TNIK: variants seen among roughly 807,000 people sequenced by gnomAD.
TNIK encodes TRAF2 and NCK interacting kinase.
Under a neutral mutation model 191.3 loss-of-function variants are expected in TNIK, and 49 were observed. That is an observed-to-expected ratio of 0.26 (90% CI 0.20 to 0.32). The LOEUF is 0.32. Among genes scored for constraint, TNIK ranks in the 10% least tolerant of loss-of-function variants. The pLI, the probability that TNIK is intolerant of heterozygous loss-of-function variation, is 1.00. For missense variants in TNIK, 1,155 were observed against 1,702.3 expected, an observed-to-expected ratio of 0.68 and a Z score of 5.66; for synonymous variants, 594 against 600.9, an observed-to-expected ratio of 0.99 and a Z score of 0.17.
At chr3:171,384,320 G>A (rs1718445138) in intron 1 of TNIK, among the ~76,000 whole-genome samples, 1 of 152,180 alleles carries the variant, frequency 6.6e-6, no homozygotes, top group South Asian at 2.1e-4. Context: ...TGTTATCTTT[G>A]AAAAATCACT....
At chr3:171,178,429 AG>A (rs1363022317) in intron 7 of TNIK, among the ~76,000 whole-genome samples, 13 of 56,242 alleles carry the variant, frequency 2.3e-4, no homozygotes, top group Non-Finnish European at 3.8e-4. Flanking sequence ...TGAGTAGACT[AG>A]TATGTAACAA....
At position 171,366,499 on chromosome 3, in the gene TNIK, A is replaced by G. The variant is rs1577653377; in HGVS notation, c.123+3121T>C. Among the ~76,000 whole-genome samples, 2 of 152,266 alleles carry G rather than the reference A, an allele frequency of 1.3e-5. No individual in the cohort carries two copies. Among genetic ancestry groups the G allele is most frequent in the East Asian group, 1.9e-4 (1 of 5,192 alleles). ...TTCAAGGTGTTCTCTGAATACCTACATATACTTTTTATTTATTATATTAAG... is the reference window on the plus strand; with the variant it reads ...TTCAAGGTGTTCTCTGAATACCTACGTATACTTTTTATTTATTATATTAAG... On this transcript the variant is annotated intron_variant, in intron 2 of 32. Coordinates refer to ENST00000436636, the MANE Select transcript of TNIK (RefSeq NM_015028.4). This position sits in a 1 kb window ranked among gnomAD's most constrained non-coding sequence, Gnocchi z 4.1.
intron 2 of TNIK, among the ~76,000 whole-genome samples, chr3:171,235,103 G>A (rs575284992): frequency 2.6e-5 from 4 of 152,114 alleles, no homozygotes; most frequent in East Asian, 1.9e-4. Flanking sequence ...GTACAGTGGC[G>A]CTGTCTCGGC....
intron 2 of TNIK, among the ~76,000 whole-genome samples, chr3:171,330,099 G>T (rs1013826210): frequency 2.0e-5 from 3 of 152,164 alleles, no homozygotes; most frequent in Admixed American, 1.3e-4. Flanking sequence ...ACATTTGAAG[G>T]TTTGCAAAAA....
chr3:171,157,230 G>T (rs928318239), intron 12 of TNIK, among the ~76,000 whole-genome samples: 4 of 152,234 alleles, frequency 2.6e-5, no homozygotes, highest in African/African-American at 9.6e-5. Flanking sequence ...GGCAAGACAG[G>T]AAGGGGTGAC....
intron 2 of TNIK, among the ~76,000 whole-genome samples, chr3:171,331,717 C>G (rs1233025215): frequency 5.3e-5 from 8 of 152,140 alleles, no homozygotes. Context: ...CTCCAGTGTT[C>G]CATCCAGGAT....
At chr3:171,380,777 G>A (rs1268535663) in intron 1 of TNIK, among the ~76,000 whole-genome samples, 4 of 152,340 alleles carry the variant, frequency 2.6e-5, no homozygotes, top group Admixed American at 6.5e-5. Flanking sequence ...AATGCCTTTC[G>A]GCCAAGGGCC....
At chr3:171,082,515 A>G (rs539874561) in intron 26 of TNIK, 121 bp from the exon 27 acceptor site, 7 of 1,083,084 alleles carry the variant, frequency 6.5e-6, no homozygotes, top group Middle Eastern at 2.1e-4. Context: ...GCAAGTAGGT[A>G]AATATAAACT....
intron 23 of TNIK, among the ~76,000 whole-genome samples, chr3:171,092,030 A>G (rs541924731): frequency 1.3e-5 from 2 of 150,234 alleles, no homozygotes; most frequent in Non-Finnish European, 3.0e-5. Flanking sequence ...ACTCACTGCA[A>G]CCTCTGCCTC....
intron 1 of TNIK, among the ~76,000 whole-genome samples, chr3:171,420,132 G>T (rs951698676): frequency 1.3e-5 from 2 of 152,136 alleles, no homozygotes; most frequent in Admixed American, 6.5e-5. Context: ...ACTTATGAGG[G>T]TTTTTATTTC....
intron 2 of TNIK, among the ~76,000 whole-genome samples, chr3:171,241,543 G>A (rs1744993357): frequency 6.6e-6 from 1 of 152,186 alleles, no homozygotes; most frequent in Non-Finnish European, 1.5e-5. Context: ...GAACAGAAGT[G>A]TAAATTAAAA....
chr3:171,287,128 G>A (rs558106057), intron 2 of TNIK, among the ~76,000 whole-genome samples: 15 of 152,216 alleles, frequency 9.9e-5, no homozygotes, highest in African/African-American at 3.6e-4. Flanking sequence ...GCAAGTTCAA[G>A]ATTATTCTGG....
chr3:171,433,142 G>A (rs1356236275), intron 1 of TNIK, among the ~76,000 whole-genome samples: 1 of 151,974 alleles, frequency 6.6e-6, no homozygotes, highest in African/African-American at 2.4e-5. Context: ...AGAACTACAG[G>A]TTTAAGTATA....
chr3:171,163,519 A>G (rs1734258994), intron 10 of TNIK, among the ~76,000 whole-genome samples: 1 of 152,192 alleles, frequency 6.6e-6, no homozygotes, highest in African/African-American at 2.4e-5. Context: ...TAAAATCACA[A>G]CTTAGCTTCA....
At chr3:171,167,346 T>C in intron 9 of TNIK, 76 bp from the exon 10 acceptor site, 2 of 1,546,208 alleles carry the variant, frequency 1.3e-6, no homozygotes, top group Non-Finnish European at 1.7e-6. Context: ...TCTGAAATGC[T>C]GGGACTTTTT....
chr3:171,283,065 A>G (rs1750645844), intron 2 of TNIK, among the ~76,000 whole-genome samples: 2 of 152,022 alleles, frequency 1.3e-5, no homozygotes, highest in Non-Finnish European at 2.9e-5. Flanking sequence ...CGTGACCTTT[A>G]TCAAGGAATA....
chr3:171,123,183 G>A (rs1005854135), intron 18 of TNIK, among the ~76,000 whole-genome samples: 1 of 152,152 alleles, frequency 6.6e-6, no homozygotes, highest in Admixed American at 6.5e-5. Flanking sequence ...GGTTCCCAGG[G>A]CATGTTTCTT....
In TNIK at chr3:171,100,977, C is replaced by A. The variant is rs1416907335; in HGVS notation, c.2591+472G>T. 2.0e-5 allele frequency among the ~76,000 whole-genome samples: 3 copies of A among 152,090 alleles called. No homozygotes were observed. The East Asian group carries it at 5.8e-4, about 29-fold the overall frequency. On this transcript the variant is annotated intron_variant, in intron 22 of 32. Coordinates refer to ENST00000436636, the MANE Select transcript of TNIK (RefSeq NM_015028.4). ...CTGCATGATTATCTGAGTCCTGATT[C>A]TTTTGCTGGGATGGTAACGCATGCT... is the stretch of plus-strand genomic sequence containing the variant.
At chr3:171,080,751 CT>C (rs1720571311) in intron 27 of TNIK, among the ~76,000 whole-genome samples, 1 of 152,148 alleles carries the variant, frequency 6.6e-6, no homozygotes, top group Admixed American at 6.5e-5. Flanking sequence ...CAGAAGAGAA[CT>C]TAGTAAAGCA....
Sources: allele counts gnomAD v4.1 joint callset (sites outside exome capture counted in the v4.1 genomes callset), GRCh38; gene constraint gnomAD v4.1.1; non-coding constraint Gnocchi (gnomAD v3.1); transcripts MANE v1.5; gene names NCBI Gene and HGNC (gene_info 2026-07-23, HGNC 2026-07-21).